The following NDUFA11 variants were observed in gnomAD, a reference collection of about 807,000 sequenced individuals.
NDUFA11 encodes the protein NADH dehydrogenase [ubiquinone] 1 alpha subcomplex subunit 11.
Under a neutral mutation model 11.3 loss-of-function variants are expected in NDUFA11, and 14 were observed. The ratio of observed to expected loss-of-function variants is 1.24; its 90% CI spans 0.82 to 1.94. NDUFA11 has a LOEUF of 1.94. Ranked by LOEUF, NDUFA11 falls within the 30% of genes most tolerant of loss-of-function variation. The pLI is 0.00. For synonymous variants in NDUFA11, 87 were observed against 85.6 expected (o/e 1.02, Z -0.09); for missense variants, 204 against 200.3 (o/e 1.02, Z -0.11).
chr19:5,896,425 G>A lies in NDUFA11; in HGVS notation c.313+28C>T, dbSNP rs771268358. 1 of 1,551,610 alleles carries A rather than the reference G, an allele frequency of 6.4e-7. No individual in the cohort carries two copies. Among genetic ancestry groups the A allele is most frequent in the Non-Finnish European group, 8.7e-7 (1 of 1,146,902 alleles). On this transcript the variant is annotated intron_variant, in intron 3 of 3. Coordinates refer to ENST00000308961, the MANE Select transcript of NDUFA11 (RefSeq NM_175614.5). The surrounding 1 kb of genome is among the most constrained non-coding windows in gnomAD (Gnocchi z 5.8). Reference sequence around the variant, plus strand: ...GGGTCATTCTGCCAGGCTGGGAGGAGGGTGGGGGTGGGGAGGGGGCCACTC... The same window carrying A: ...GGGTCATTCTGCCAGGCTGGGAGGAAGGTGGGGGTGGGGAGGGGGCCACTC...
At chr19:5,901,003 C>A (rs192110442) in intron 1 of NDUFA11, among the ~76,000 whole-genome samples, 1 of 151,944 alleles carries the variant, frequency 6.6e-6, no homozygotes, top group Non-Finnish European at 1.5e-5. Context: ...GGAGGGCTCA[C>A]AGAAGCCACT....
In NDUFA11 at chr19:5,896,720, G is replaced by A. The variant is rs755758161; in HGVS notation, c.191-145C>T. The A allele has an allele frequency of 4.6e-5, 61 of 1,335,194 alleles. No individual in the cohort carries two copies. The highest frequency in any genetic ancestry group is 5.9e-5 in the Non-Finnish European group (56 of 953,352). 82.7% of individuals were successfully genotyped at this position (1,335,194 alleles called of 1,614,324 possible). A position where few individuals can be genotyped will look rare whatever the true frequency, so the allele number is the denominator to read the frequency against. On this transcript the variant is annotated intron_variant, in intron 2 of 3. Coordinates refer to ENST00000308961, the MANE Select transcript of NDUFA11 (RefSeq NM_175614.5). The surrounding 1 kb of genome is among the most constrained non-coding windows in gnomAD (Gnocchi z 5.8). ...GCAGCCTCCTGGCCCCAGTCCTGGA[G>A]CTGTTCTCCTGGGCCTCCCCACCCT...
Position 5,903,542 on chromosome 19 carries a change from C to G in NDUFA11, c.97+70G>C. 5 of 1,429,920 alleles carry G rather than the reference C, an allele frequency of 3.5e-6. No individual in the cohort carries two copies. The South Asian group carries it at 6.1e-5, about 18-fold the overall frequency. The allele number at this position is 1,429,920 out of a possible 1,614,324, so 88.6% of individuals were successfully genotyped here. ...GACTCCCAGACCCGTTCGATCCAAA[C>G]AGCCCCCAGTAACCCCACGACCTCC... On this transcript the variant is annotated intron_variant, in intron 1 of 3. Transcript: ENST00000308961.
chr19:5,901,308 T>C (rs917561063), intron 1 of NDUFA11: 55 of 1,274,186 alleles, frequency 4.3e-5, no homozygotes, highest in Admixed American at 2.6e-4. Context: ...CCTTCAGCCC[T>C]TTCTCTTGAA....
chr19:5,897,600 G>A (rs574611656), intron 1 of NDUFA11, among the ~76,000 whole-genome samples: 62 of 152,268 alleles, frequency 4.1e-4, no homozygotes, highest in African/African-American at 1.5e-3. Flanking sequence ...GGCTCGTCCT[G>A]CACACCTGGC....
Position 5,903,603 on chromosome 19 carries a change from G to A in NDUFA11, c.97+9C>T, listed in dbSNP as rs1401206667. On this transcript the variant is annotated intron_variant, in intron 1 of 3. Transcript: ENST00000308961. ...GGCCCTCCACCCTCGGGGCCCGGCC[G>A]GCGCTCACCAGCGACGCTGGCAATA... 3.9e-6 allele frequency: 6 copies of A among 1,549,490 alleles called. No individual in the cohort carries two copies. The highest frequency in any genetic ancestry group is 5.2e-6 in the Non-Finnish European group (6 of 1,146,798).
chr19:5,903,249 C>T (rs2057657041), intron 1 of NDUFA11, among the ~76,000 whole-genome samples: 1 of 152,008 alleles, frequency 6.6e-6, no homozygotes, highest in Admixed American at 6.6e-5. Flanking sequence ...GACTCATGAT[C>T]CCCTCTAACA....
At position 5,896,784 on chromosome 19, in the gene NDUFA11, G is replaced by A; in HGVS notation, c.190+121C>T. ...ATAAAGGAACACCCCACTTTCTCCG[G>A]ATGGCCAGCACTGTGGACACGGGCT... On this transcript the variant is annotated intron_variant, in intron 2 of 3. Coordinates refer to ENST00000308961, the MANE Select transcript of NDUFA11 (RefSeq NM_175614.5). This position sits in a 1 kb window ranked among gnomAD's most constrained non-coding sequence, Gnocchi z 5.8. 1 of 1,186,680 alleles carries A rather than the reference G, an allele frequency of 8.4e-7. No individual in the cohort carries two copies. The highest frequency in any genetic ancestry group is 1.3e-6 in the Non-Finnish European group (1 of 797,424). The allele number at this position is 1,186,680 out of a possible 1,614,324, so 73.5% of individuals were successfully genotyped here.
In NDUFA11 at chr19:5,896,336, A is replaced by T; in HGVS notation, c.313+117T>A. 1 of 1,236,666 alleles carries T rather than the reference A, an allele frequency of 8.1e-7. No individual in the cohort carries two copies. Among genetic ancestry groups the T allele is most frequent in the Non-Finnish European group, 1.1e-6 (1 of 900,816 alleles). 76.6% of individuals were successfully genotyped at this position (1,236,666 alleles called of 1,614,324 possible). On this transcript the variant is annotated intron_variant, in intron 3 of 3. Transcript: ENST00000308961. The surrounding 1 kb of genome is among the most constrained non-coding windows in gnomAD (Gnocchi z 5.8). ...GCTATGACTGAAATGGCTGGTGTTCAAGAAGGCTGCTTTACTTCTTGTCCG... is the reference window on the plus strand; with the variant it reads ...GCTATGACTGAAATGGCTGGTGTTCTAGAAGGCTGCTTTACTTCTTGTCCG...
At chr19:5,899,362 G>C (rs1232972350) in intron 1 of NDUFA11, among the ~76,000 whole-genome samples, 2 of 150,478 alleles carry the variant, frequency 1.3e-5, no homozygotes, top group Non-Finnish European at 3.0e-5. Flanking sequence ...TGTTAGCCAG[G>C]ATGGTCTCCA....
downstream of NDUFA11, chr19:5,892,932 C>G: frequency 1.4e-6 from 2 of 1,445,180 alleles, 1 homozygote; most frequent in Middle Eastern, 3.6e-4. Context: ...TTCTGGGGTT[C>G]GAACCCAGAG....
rs759690216 is a variant in NDUFA11, at chr19:5,894,864, T to A, written c.314-10A>T. Reference sequence around the variant, plus strand: ...ATCCCGTAGTTGTGCGCTGTGGGAGTGGGGAGGTGATGTCAGGCCCGGGTG... The same window carrying A: ...ATCCCGTAGTTGTGCGCTGTGGGAGAGGGGAGGTGATGTCAGGCCCGGGTG... On this transcript the variant is annotated splice_polypyrimidine_tract_variant and intron_variant, in intron 3 of 3. Transcript: ENST00000308961. 5 of 1,592,700 alleles carry A rather than the reference T, an allele frequency of 3.1e-6. No homozygotes were observed. Among genetic ancestry groups the A allele is most frequent in the Non-Finnish European group, 4.3e-6 (5 of 1,168,932 alleles).
At chr19:5,901,237 C>G (rs144621074) in intron 1 of NDUFA11, 2 of 1,129,748 alleles carry the variant, frequency 1.8e-6, no homozygotes, top group African/African-American at 1.6e-5. Flanking sequence ...CACACACTCT[C>G]TCACATGAAC....
chr19:5,897,026 G>A (rs548285705), intron 1 of NDUFA11, 29 bp from the exon 2 acceptor site: 7 of 1,578,034 alleles, frequency 4.4e-6, no homozygotes, highest in South Asian at 1.1e-5. Context: ...AGGCTGTTCA[G>A]ACCCCACTGC....
chr19:5,903,751 GGAAGCGCAA>G lies in NDUFA11; in HGVS notation c.-52_-44del. 1 of 1,541,034 alleles carries G rather than the reference GGAAGCGCAA, an allele frequency of 6.5e-7. No homozygotes were observed. Among genetic ancestry groups the G allele is most frequent in the East Asian group, 2.4e-5 (1 of 40,864 alleles). ...CCGCACCACGGACCCCGCCAGCTCG[GGAAGCGCAA>G]GGGCAGCCGCGGCTGGCTATCGCGA... On this transcript the variant is annotated 5_prime_UTR_variant, in exon 1 of 4. Coordinates refer to ENST00000308961, the MANE Select transcript of NDUFA11 (RefSeq NM_175614.5).
At chr19:5,898,992 C>T (rs1045181269) in intron 1 of NDUFA11, among the ~76,000 whole-genome samples, 2 of 151,714 alleles carry the variant, frequency 1.3e-5, no homozygotes, top group African/African-American at 4.8e-5. Flanking sequence ...GAGTCCAGTA[C>T]AGCCGTCCCC....
chr19:5,897,418 G>A (rs890395881), intron 1 of NDUFA11, among the ~76,000 whole-genome samples: 3 of 152,118 alleles, frequency 2.0e-5, no homozygotes, highest in African/African-American at 7.2e-5. Flanking sequence ...CGCCCCCCAC[G>A]GGCCCTGGCA....
intron 1 of NDUFA11, among the ~76,000 whole-genome samples, chr19:5,901,929 C>T (rs2057648474): frequency 6.6e-6 from 1 of 150,756 alleles, no homozygotes; most frequent in Admixed American, 6.6e-5. Context: ...CCTCGGCCTC[C>T]CAAAGTGCTG....
downstream of NDUFA11, among the ~76,000 whole-genome samples, chr19:5,893,783 C>T (rs868745774): frequency 1.3e-5 from 2 of 152,104 alleles, no homozygotes; most frequent in Non-Finnish European, 2.9e-5. The surrounding 1 kb of genome is among the most constrained non-coding windows in gnomAD (Gnocchi z 4.1). Flanking sequence ...CTAGGCCCCG[C>T]GGATGGGCTT....
Sources: allele counts gnomAD v4.1 joint callset (sites outside exome capture counted in the v4.1 genomes callset), GRCh38; gene constraint gnomAD v4.1.1; non-coding constraint Gnocchi (gnomAD v3.1); transcripts MANE v1.5; gene names NCBI Gene and HGNC (gene_info 2026-07-23, HGNC 2026-07-21).